Variants in ZNF385D observed in about 807,000 individuals in gnomAD.
ZNF385D encodes zinc finger protein 659.
In ZNF385D, 15 loss-of-function variants were observed where a neutral mutation model predicts 35.8. The observed-to-expected ratio is 0.42, with a 90% CI of 0.28 to 0.64. The LOEUF (loss-of-function observed/expected upper bound fraction) is 0.64. ZNF385D is among the 30% of genes least tolerant of loss of function. The pLI is 0.23. For synonymous variants in ZNF385D, 212 were observed against 186.8 expected (o/e 1.13, Z -1.10); for missense variants, 474 against 494.6 (o/e 0.96, Z 0.39).
chr3:21,749,177 A>C (rs2069931927), intron 1 of ZNF385D, among the ~76,000 whole-genome samples: 1 of 152,220 alleles, frequency 6.6e-6, no homozygotes, highest in Non-Finnish European at 1.5e-5. Flanking sequence ...AATTCGTACT[A>C]TTAAAAACTT....
At position 21,734,532 on chromosome 3, in the gene ZNF385D, C is replaced by T. The variant is rs1575558243; in HGVS notation, c.22+16363G>A. Among the ~76,000 whole-genome samples, 10 of 150,238 alleles carry T rather than the reference C, an allele frequency of 6.7e-5. No homozygotes were observed. The South Asian group carries it at 1.9e-3, about 28-fold the overall frequency. ...ATGAGCGTTTACATTTTTGGAAATACAGTGGGGAAAAAAAAAACTATGCAT... is the reference window on the plus strand; with the variant it reads ...ATGAGCGTTTACATTTTTGGAAATATAGTGGGGAAAAAAAAAACTATGCAT... On this transcript the variant is annotated intron_variant, in intron 1 of 7. Coordinates refer to ENST00000281523, the MANE Select transcript of ZNF385D (RefSeq NM_024697.3).
At chr3:22,095,087 T>C (rs1184801217) in intron 3 of ZNF385D, among the ~76,000 whole-genome samples, 1 of 119,506 alleles carries the variant, frequency 8.4e-6, no homozygotes, top group Non-Finnish European at 1.8e-5. Context: ...TTTCATTCTT[T>C]CTTTTTTTTT....
intron 2 of ZNF385D, among the ~76,000 whole-genome samples, chr3:21,610,482 A>G (rs922699551): frequency 6.6e-6 from 1 of 152,136 alleles, no homozygotes; most frequent in African/African-American, 2.4e-5. Flanking sequence ...AACAATAGAC[A>G]TGTGTTGGCC....
chr3:21,822,095 G>A (rs905827134), intron 3 of ZNF385D, among the ~76,000 whole-genome samples: 9 of 151,356 alleles, frequency 5.9e-5, no homozygotes, highest in South Asian at 2.1e-4. Context: ...TTTTTGACAC[G>A]GAATCTCACT....
chr3:21,790,185 C>T (rs2071869449), intron 3 of ZNF385D, among the ~76,000 whole-genome samples: 1 of 151,940 alleles, frequency 6.6e-6, no homozygotes, highest in South Asian at 2.1e-4. Flanking sequence ...TCTCGGGGGA[C>T]AGATTCAGAT....
intron 3 of ZNF385D, among the ~76,000 whole-genome samples, chr3:21,971,949 G>C (rs1394991788): frequency 3.3e-5 from 5 of 151,898 alleles, no homozygotes; most frequent in African/African-American, 7.2e-5. Context: ...GGGACACCCA[G>C]ATATATAAAG....
chr3:21,681,316 A>AAAAAAAAAAAAAAAAC (rs1334410224), intron 1 of ZNF385D, among the ~76,000 whole-genome samples: 1 of 141,782 alleles, frequency 7.1e-6, no homozygotes, highest in Non-Finnish European at 1.6e-5. Flanking sequence ...AAAAAAAAAA[A>AAAAAAAAAAAAAAAAC]AAAAAAAACC....
chr3:21,589,271 C>G (rs977544185), intron 2 of ZNF385D, among the ~76,000 whole-genome samples: 2 of 152,140 alleles, frequency 1.3e-5, no homozygotes, highest in Non-Finnish European at 2.9e-5. Flanking sequence ...GGCAAAGGCC[C>G]AAGCAAGTGC....
At chr3:21,733,147 T>G (rs763017924) in intron 1 of ZNF385D, among the ~76,000 whole-genome samples, 1 of 152,190 alleles carries the variant, frequency 6.6e-6, no homozygotes, top group Non-Finnish European at 1.5e-5. Context: ...TTGAAAAGAC[T>G]TTTTCCATTA....
intron 2 of ZNF385D, among the ~76,000 whole-genome samples, chr3:21,617,786 T>C (rs1372974920): frequency 6.6e-6 from 1 of 152,190 alleles, no homozygotes; most frequent in Non-Finnish European, 1.5e-5. Context: ...TGTTTGAGAC[T>C]GCATGGTGGA....
chr3:21,895,306 C>T (rs980574995), intron 3 of ZNF385D, among the ~76,000 whole-genome samples: 6 of 136,444 alleles, frequency 4.4e-5, no homozygotes, highest in South Asian at 2.6e-4. Context: ...GGTTGAATCA[C>T]TGAAATGTGT....
chr3:21,821,657 C>G (rs570257924), intron 3 of ZNF385D, among the ~76,000 whole-genome samples: 1 of 152,174 alleles, frequency 6.6e-6, no homozygotes, highest in African/African-American at 2.4e-5. Flanking sequence ...CACAAGGGGA[C>G]TTGATTGCAA....
intron 3 of ZNF385D, among the ~76,000 whole-genome samples, chr3:22,111,061 C>T (rs972978984): frequency 1.3e-5 from 2 of 150,240 alleles, no homozygotes; most frequent in Non-Finnish European, 3.0e-5. Context: ...GCTATTAATT[C>T]AGACGTTGTA....
chr3:22,238,978 C>T lies in ZNF385D; in HGVS notation c.107-69943G>A, dbSNP rs182773929. Among the ~76,000 whole-genome samples the T allele has an allele frequency of 4.8e-4, 72 of 150,576 alleles. 2 individuals are homozygous for T. The Middle Eastern group carries it at 0.01, about 21-fold the overall frequency. The stretch of plus-strand genomic sequence containing the variant: ...GTAGGCTCAAGTCACTCTCCTGTCT[C>T]GGCGGCCTTAAGTGATCCTCCTGCC... On this transcript the variant is annotated intron_variant, in intron 2 of 5. Coordinates refer to the ZNF385D transcript ENST00000494108.
chr3:22,141,664 T>TGGGGGA (rs1576391088), intron 3 of ZNF385D, among the ~76,000 whole-genome samples: 3 of 142,884 alleles, frequency 2.1e-5, no homozygotes, highest in East Asian at 3.9e-4. Flanking sequence ...GCACCGCCCC[T>TGGGGGA]GGGGGAGGAG....
chr3:21,845,001 G>C (rs1166500359), intron 3 of ZNF385D, among the ~76,000 whole-genome samples: 1 of 148,018 alleles, frequency 6.8e-6, no homozygotes, highest in African/African-American at 2.4e-5. Flanking sequence ...CATGAACGAA[G>C]GCAAACATGT....
intron 4 of ZNF385D, among the ~76,000 whole-genome samples, chr3:21,492,469 A>G: frequency 6.6e-6 from 1 of 151,276 alleles, no homozygotes; most frequent in Non-Finnish European, 1.5e-5. Context: ...GATTTCTTTT[A>G]CTACTCTTCG....
chr3:21,510,947 T>C lies in ZNF385D; in HGVS notation c.353A>G (p.Gln118Arg). 1 of 1,614,182 alleles carries C rather than the reference T, an allele frequency of 6.2e-7. No homozygotes were observed. Among genetic ancestry groups the C allele is most frequent in the South Asian group, 1.1e-5 (1 of 91,086 alleles). Residue 118 changes from glutamine to arginine, a missense_variant, in exon 4 of 8, where the codon CAG (glutamine) becomes CGG (arginine). Physicochemically the swap from Gln to Arg is conservative, Grantham distance 43 (BLOSUM62 1). Transcript: ENST00000281523. ...GCTGTCCTTGGCAGTTACAGATTTC[T>C]GCTTATTTTTCATGGCTTCCAGTGC... ...LKALEAMKNK[Q>R]KSVTAKDSAK...
At chr3:22,080,248 T>A (rs970424828) in intron 3 of ZNF385D, among the ~76,000 whole-genome samples, 2 of 152,104 alleles carry the variant, frequency 1.3e-5, no homozygotes, top group African/African-American at 4.8e-5. Flanking sequence ...ACTGACACAG[T>A]AGAGTCTAAA....
Sources: gnomAD v4.1 joint callset for allele counts (sites outside exome capture counted in the v4.1 genomes callset) on GRCh38, gnomAD v4.1.1 for gene constraint, MANE v1.5 for transcripts, NCBI Gene and HGNC (gene_info 2026-07-23, HGNC 2026-07-21) for gene names.